Variants in PTPRO observed in about 807,000 individuals in gnomAD.
PTPRO encodes receptor-type tyrosine-protein phosphatase O.
PTPRO carries 62 observed loss-of-function variants against 145.2 expected under a neutral mutation model. The observed-to-expected ratio is 0.43, with a 90% CI of 0.35 to 0.53. The LOEUF (loss-of-function observed/expected upper bound fraction) is 0.53. Ranked by LOEUF, PTPRO falls within the 20% of genes least tolerant of loss-of-function variation. The pLI, the probability that PTPRO is intolerant of heterozygous loss-of-function variation, is 0.01. For synonymous variants in PTPRO, 565 were observed against 514.7 expected (o/e 1.10, Z -1.32); for missense variants, 1,345 against 1,482.7 (o/e 0.91, Z 1.53).
chr12:15,466,402 T>G (rs1268069761), intron 1 of PTPRO, among the ~76,000 whole-genome samples: 1 of 152,122 alleles, frequency 6.6e-6, no homozygotes, highest in Non-Finnish European at 1.5e-5. Flanking sequence ...CATTGAAAAA[T>G]TGTATGATGG....
rs779356675 is a variant in PTPRO, at chr12:15,569,425, A to C, written c.2756A>C (p.Gln919Pro). The change falls in exon 19 of 27, where the codon CAA (glutamine) becomes CCA (proline). Residue 919 changes from glutamine to proline, a missense_variant. By Grantham distance (76) the Gln-to-Pro change is moderately conservative (BLOSUM62 -1). Coordinates refer to ENST00000281171, the MANE Select transcript of PTPRO (RefSeq NM_030667.3). ...CTTTGTGTTTGGCAAAGCCCGGTTC[A>C]ACTGGATGACTTTGATGCCTATATT... ...LKKRKLTNPVQLDDFDAYIKD... is the reference protein window; with the variant it reads ...LKKRKLTNPVPLDDFDAYIKD... 3 of 1,613,258 alleles carry C rather than the reference A, an allele frequency of 1.9e-6. No homozygotes were observed. In the South Asian group the frequency reaches 3.3e-5, roughly 18 times the overall value.
intron 12 of PTPRO, among the ~76,000 whole-genome samples, chr12:15,535,060 G>C (rs916588525): frequency 7.2e-5 from 11 of 152,124 alleles, no homozygotes; most frequent in Admixed American, 7.2e-4. Flanking sequence ...TGACTCCCAG[G>C]CTTCACCCTT....
chr12:15,449,944 T>A (rs1941002824), intron 1 of PTPRO, among the ~76,000 whole-genome samples: 1 of 152,230 alleles, frequency 6.6e-6, no homozygotes. Flanking sequence ...CCAAGGCTCC[T>A]TTTAATTTTA....
Position 15,565,577 on chromosome 12 carries a change from CTTTTT to C in PTPRO, c.2712-14_2712-10del, listed in dbSNP as rs1943877124. The C allele has an allele frequency of 6.9e-7, 1 of 1,441,440 alleles. No homozygotes were observed. Among genetic ancestry groups the C allele is most frequent in the African/African-American group, 1.4e-5 (1 of 71,228 alleles). The allele number at this position is 1,441,440 out of a possible 1,614,324, so 89.3% of individuals were successfully genotyped here. A position where few individuals can be genotyped will look rare whatever the true frequency, so the allele number is the denominator to read the frequency against. On this transcript the variant is annotated splice_polypyrimidine_tract_variant and intron_variant, in intron 17 of 26. Transcript: ENST00000281171. The stretch of plus-strand genomic sequence containing the variant: ...TTCTGCCCAGATAAATTTGTCTTTT[CTTTTT>C]TAATTATCAGGAGTAAAAATGGTTT...
intron 1 of PTPRO, among the ~76,000 whole-genome samples, chr12:15,389,639 C>G (rs1048290197): frequency 6.6e-6 from 1 of 152,210 alleles, no homozygotes; most frequent in Non-Finnish European, 1.5e-5. Context: ...ACAGCTTCAT[C>G]TATCACCCAA....
intron 2 of PTPRO, among the ~76,000 whole-genome samples, chr12:15,486,916 G>T (rs1941899940): frequency 6.6e-6 from 1 of 152,102 alleles, no homozygotes; most frequent in South Asian, 2.1e-4. Flanking sequence ...AACAGGGAGT[G>T]AGTCGATCTA....
chr12:15,377,209 AC>A (rs1429488373), intron 1 of PTPRO, among the ~76,000 whole-genome samples: 3 of 152,128 alleles, frequency 2.0e-5, no homozygotes, highest in African/African-American at 7.2e-5. Context: ...AGTAAAAGAA[AC>A]AACAAAATAA....
intron 1 of PTPRO, among the ~76,000 whole-genome samples, chr12:15,403,460 G>A (rs1939558004): frequency 6.6e-6 from 1 of 152,154 alleles, no homozygotes; most frequent in Non-Finnish European, 1.5e-5. Context: ...GCACACACCT[G>A]TAGTCCCAGA....
intron 1 of PTPRO, among the ~76,000 whole-genome samples, chr12:15,415,628 G>GC (rs1555158617): frequency 6.6e-6 from 1 of 151,604 alleles, no homozygotes; most frequent in Non-Finnish European, 1.5e-5. Context: ...CTTGTGATCC[G>GC]CCCACCCTGG....
Position 15,598,244 on chromosome 12 carries a change from C to G in PTPRO, c.*2171C>G, listed in dbSNP as rs1053897951. On this transcript the variant is annotated 3_prime_UTR_variant, in exon 27 of 27. Transcript: ENST00000281171. ...GTAGAGTTTATGATGGAAAAGGCAT[C>G]AGTCTGTCAAAAGACTTGTTTAATC... 6.6e-6 allele frequency among the ~76,000 whole-genome samples: 1 copy of G among 152,176 alleles called. No homozygotes were observed. The highest frequency in any genetic ancestry group is 6.5e-5 in the Admixed American group (1 of 15,280).
intron 1 of PTPRO, among the ~76,000 whole-genome samples, chr12:15,434,053 A>G (rs1000253040): frequency 5.9e-5 from 9 of 152,158 alleles, no homozygotes; most frequent in Non-Finnish European, 1.2e-4. Context: ...CCCTGTTAAT[A>G]TGCATATCTT....
At position 15,530,626 on chromosome 12, in the gene PTPRO, C is replaced by G. The variant is rs7316088; in HGVS notation, c.2164+4364C>G. ...ATTGAACAACATGTTCCTGAACAACCAATGAGTCAATGAAGAAATTAAGAA... is the reference window on the plus strand; with the variant it reads ...ATTGAACAACATGTTCCTGAACAACGAATGAGTCAATGAAGAAATTAAGAA... On this transcript the variant is annotated intron_variant, in intron 12 of 26. Transcript: ENST00000281171. 3.9e-3 allele frequency among the ~76,000 whole-genome samples: 596 copies of G among 152,074 alleles called. 5 individuals carry two copies. The highest frequency in any genetic ancestry group is 0.013 in the African/African-American group (536 of 41,492).
In PTPRO at chr12:15,516,868, A is replaced by C. The variant is rs1322617123; in HGVS notation, c.1691A>C (p.Glu564Ala). 1 of 1,613,326 alleles carries C rather than the reference A, an allele frequency of 6.2e-7. No individual in the cohort carries two copies. Among genetic ancestry groups the C allele is most frequent in the African/African-American group, 1.3e-5 (1 of 74,876 alleles). The change falls in exon 9 of 27, where the codon GAA becomes GCA. Residue 564 changes from glutamate to alanine, a missense_variant. Physicochemically the swap from Glu to Ala is moderately radical, Grantham distance 107 (BLOSUM62 -1). Around this residue, in one of 3 missense-constraint regions of PTPRO, gnomAD observed 1,130 missense variants for 1,214.7 expected, o/e 0.93. Transcript: ENST00000281171. ...YLGVFRKYVV[E>A]MFYFNPATMT... is the part of the protein sequence containing the mutation. Reference sequence around the variant, plus strand: ...GGCGTGTTCAGAAAATACGTGGTTGAAATGTTTTATTTCAACCCTGCTACA... The same window carrying C: ...GGCGTGTTCAGAAAATACGTGGTTGCAATGTTTTATTTCAACCCTGCTACA...
chr12:15,513,012 A>T (rs1392763610), intron 7 of PTPRO, among the ~76,000 whole-genome samples: 1 of 151,236 alleles, frequency 6.6e-6, no homozygotes, highest in Non-Finnish European at 1.5e-5. Flanking sequence ...AAAAAGAAAG[A>T]AAAGAGAAGA....
Position 15,398,412 on chromosome 12 carries a change from A to G in PTPRO, c.75+75611A>G, listed in dbSNP as rs77255955. ...GTTTTGTCTTTGACCTTCTGAGCGC[A>G]GTGGAGAAAACAGACGTGTTCCAAT... On this transcript the variant is annotated intron_variant, in intron 1 of 26. Transcript: ENST00000281171. Among the ~76,000 whole-genome samples the G allele has an allele frequency of 2.2e-3, 326 of 151,372 alleles. 2 individuals carry two copies. The highest frequency in any genetic ancestry group is 7.5e-3 in the African/African-American group (308 of 41,322).
At chr12:15,346,935 A>G (rs1426699488) in intron 1 of PTPRO, among the ~76,000 whole-genome samples, 2 of 152,056 alleles carry the variant, frequency 1.3e-5, no homozygotes, top group Non-Finnish European at 2.9e-5. Flanking sequence ...TTTATGCTGT[A>G]ATCTTTCTGA....
At chr12:15,374,491 A>G (rs1184792849) in intron 1 of PTPRO, among the ~76,000 whole-genome samples, 1 of 152,158 alleles carries the variant, frequency 6.6e-6, no homozygotes, top group Non-Finnish European at 1.5e-5. Context: ...CCCTCTCCCC[A>G]GTTTTGAGTA....
intron 1 of PTPRO, among the ~76,000 whole-genome samples, chr12:15,327,250 T>G (rs1470164600): frequency 6.6e-6 from 1 of 152,234 alleles, no homozygotes; most frequent in Non-Finnish European, 1.5e-5. Flanking sequence ...CCCAGAAATG[T>G]AATATTCTCA....
intron 7 of PTPRO, among the ~76,000 whole-genome samples, chr12:15,509,186 GGAA>G (rs1324584483): frequency 6.6e-6 from 1 of 152,132 alleles, no homozygotes; most frequent in Non-Finnish European, 1.5e-5. Flanking sequence ...AGGAGTTCAC[GGAA>G]GAAGGAGCTG....
Sources: allele counts gnomAD v4.1 joint callset (sites outside exome capture counted in the v4.1 genomes callset), GRCh38; gene constraint gnomAD v4.1.1; regional missense constraint gnomAD v4.1.1; transcripts MANE v1.5; gene names NCBI Gene and HGNC (gene_info 2026-07-23, HGNC 2026-07-21).